Variants in ANAPC4 observed in about 807,000 individuals in gnomAD.
The protein encoded by ANAPC4 is anaphase promoting complex subunit 4, also known as anaphase-promoting complex subunit 4.
Under a neutral mutation model 119.8 loss-of-function variants are expected in ANAPC4, and 63 were observed. That is an observed-to-expected ratio of 0.53 (90% confidence interval 0.43 to 0.65). The LOEUF is 0.65. Ranked by LOEUF, ANAPC4 falls within the 30% of genes least tolerant of loss-of-function variation. The pLI, the probability that ANAPC4 is intolerant of heterozygous loss-of-function variation, is 0.00. For missense variants in ANAPC4, 716 were observed against 945.1 expected, an observed-to-expected ratio of 0.76 and a Z score of 3.18; for synonymous variants, 283 against 318.6, an observed-to-expected ratio of 0.89 and a Z score of 1.19.
At position 25,395,914 on chromosome 4, in the gene ANAPC4, C is replaced by T. The variant is rs146064283; in HGVS notation, c.1062-750C>T. On this transcript the variant is annotated intron_variant, in intron 14 of 28. Coordinates refer to ENST00000315368, the MANE Select transcript of ANAPC4 (RefSeq NM_013367.3). ...CCAGTAGAGCTAAACATATTTCTCT[C>T]TTAAAAACTTCTAATGCCTTCCGTT... Among the ~76,000 whole-genome samples the T allele has an allele frequency of 4.7e-3, 722 of 152,320 alleles. 4 individuals are homozygous for T. Among genetic ancestry groups the T allele is most frequent in the African/African-American group, 0.017 (689 of 41,564 alleles).
intron 10 of ANAPC4, among the ~76,000 whole-genome samples, chr4:25,392,952 C>T (rs1434326640): frequency 1.3e-5 from 2 of 152,086 alleles, no homozygotes; most frequent in African/African-American, 2.4e-5. Context: ...AACGGGGCAT[C>T]GAGGGTGCAA....
intron 20 of ANAPC4, among the ~76,000 whole-genome samples, chr4:25,409,264 T>C (rs1279500041): frequency 6.6e-6 from 1 of 152,258 alleles, no homozygotes; most frequent in Non-Finnish European, 1.5e-5. Context: ...AACTTGCATA[T>C]GTTAAATTAA....
chr4:25,410,990 G>A (rs1490996532), intron 21 of ANAPC4, among the ~76,000 whole-genome samples: 1 of 114,746 alleles, frequency 8.7e-6, no homozygotes, highest in African/African-American at 3.7e-5. Flanking sequence ...GTATTTGGTT[G>A]CTGCTTCTGT....
rs749710698 is a variant in ANAPC4 at position 25,418,202 on chromosome 4, T to C, written c.2247T>C (p.Asp749=). Residue 749 remains aspartate (D), a synonymous_variant, in exon 29 of 29, where the codon GAT becomes GAC. Coordinates refer to ENST00000315368, the MANE Select transcript of ANAPC4 (RefSeq NM_013367.3). Reference sequence around the variant, plus strand: ...TGAGAGTATTTGAAATGGACATAGATGATGAATGGGAGCTCGATGAGTCTT... The same window carrying C: ...TGAGAGTATTTGAAATGGACATAGACGATGAATGGGAGCTCGATGAGTCTT... ...RHVRVFEMDI[D]DEWELDESSD... is the part of the protein sequence containing the mutation. 3 of 1,614,088 alleles carry C rather than the reference T, an allele frequency of 1.9e-6. No homozygotes were observed. The highest frequency in any genetic ancestry group is 2.2e-5 in the East Asian group (1 of 44,878).
intron 4 of ANAPC4, among the ~76,000 whole-genome samples, chr4:25,388,187 G>A (rs1378103832): frequency 1.3e-5 from 2 of 152,110 alleles, no homozygotes; most frequent in African/African-American, 2.4e-5. Flanking sequence ...TGAGAGTTAA[G>A]AAATCATAAA....
At chr4:25,416,331 A>AT in intron 26 of ANAPC4, 94 bp from the exon 27 acceptor site, 2 of 775,914 alleles carry the variant, frequency 2.6e-6, no homozygotes, top group Non-Finnish European at 3.7e-6. Flanking sequence ...TAACTTTTAA[A>AT]TTTTTTTCTG....
At chr4:25,400,663 C>T (rs1722914894) in intron 16 of ANAPC4, among the ~76,000 whole-genome samples, 1 of 152,108 alleles carries the variant, frequency 6.6e-6, no homozygotes, top group South Asian at 2.1e-4. Flanking sequence ...TTAGATTTAC[C>T]AGACTTCATG....
intron 3 of ANAPC4, among the ~76,000 whole-genome samples, chr4:25,381,519 C>A (rs1292896109): frequency 1.3e-5 from 2 of 151,390 alleles, no homozygotes; most frequent in African/African-American, 2.4e-5. Flanking sequence ...ACTGTGTTGG[C>A]CAGGCTGGTC....
intron 14 of ANAPC4, 43 bp from the exon 15 acceptor site, chr4:25,396,621 A>T: frequency 1.4e-6 from 2 of 1,398,862 alleles, no homozygotes; most frequent in Non-Finnish European, 2.0e-6. Context: ...TAGTCACTTG[A>T]TGATCGTCAT....
chr4:25,392,505 T>C lies in ANAPC4; in HGVS notation c.789+84T>C, dbSNP rs1722403383. On this transcript the variant is annotated intron_variant, in intron 10 of 28. Coordinates refer to ENST00000315368, the MANE Select transcript of ANAPC4 (RefSeq NM_013367.3). ...AATAAAAAGCTTCAAAATTTTGTTT[T>C]GTAAAGCTTTCTGAAGTAGAGGTAT... The C allele has an allele frequency of 1.1e-5, 13 of 1,154,842 alleles. 1 individual carries two copies. The South Asian group carries it at 1.8e-4, about 16-fold the overall frequency. 71.5% of individuals were successfully genotyped at this position (1,154,842 alleles called of 1,614,324 possible). A position where few individuals can be genotyped will look rare whatever the true frequency, so the allele number is the denominator to read the frequency against.
intron 3 of ANAPC4, among the ~76,000 whole-genome samples, chr4:25,382,442 A>G (rs1721785422): frequency 6.6e-6 from 1 of 152,330 alleles, no homozygotes; most frequent in East Asian, 1.9e-4. Context: ...GGACTTTTAT[A>G]AGTAAAGTTA....
At chr4:25,392,540 T>C (rs1722406217) in intron 10 of ANAPC4, 119 bp downstream of exon 10, 3 of 696,672 alleles carry the variant, frequency 4.3e-6, no homozygotes, top group Admixed American at 5.3e-5. Context: ...TCTAGTCTGA[T>C]AGATGATCTT....
intron 21 of ANAPC4, among the ~76,000 whole-genome samples, chr4:25,411,782 G>A (rs1723579224): frequency 6.6e-6 from 1 of 152,212 alleles, no homozygotes; most frequent in Non-Finnish European, 1.5e-5. Context: ...GAAGCAGTCT[G>A]TAGGTTAGTG....
chr4:25,414,310 CTTATT>C lies in ANAPC4; in HGVS notation c.1624-9_1624-5del. 6.7e-7 allele frequency: 1 copy of C among 1,493,142 alleles called. No homozygotes were observed. Among genetic ancestry groups the C allele is most frequent in the Non-Finnish European group, 9.2e-7 (1 of 1,087,330 alleles). 92.5% of individuals were successfully genotyped at this position (1,493,142 alleles called of 1,614,324 possible). A position where few individuals can be genotyped will look rare whatever the true frequency, so the allele number is the denominator to read the frequency against. On this transcript the variant is annotated splice_polypyrimidine_tract_variant and intron_variant, in intron 22 of 28. Transcript: ENST00000315368. The stretch of plus-strand genomic sequence containing the variant: ...TAACGCTCTAATTATATTTTAAAAT[CTTATT>C]TTATATAGGATGTAATTGGAAAATC...
chr4:25,380,365 T>A lies in ANAPC4; in HGVS notation c.130-9T>A, dbSNP rs759508201. On this transcript the variant is annotated splice_polypyrimidine_tract_variant and intron_variant, in intron 2 of 28. Coordinates refer to ENST00000315368, the MANE Select transcript of ANAPC4 (RefSeq NM_013367.3). ...TTAATTTCCTGCCATTATATCTGCT[T>A]TGTCTTAGGTTTTACTTCATCGACT... The A allele has an allele frequency of 4.4e-6, 7 of 1,594,152 alleles. No individual in the cohort carries two copies. Among genetic ancestry groups the A allele is most frequent in the Non-Finnish European group, 6.0e-6 (7 of 1,169,264 alleles).
intron 16 of ANAPC4, among the ~76,000 whole-genome samples, chr4:25,400,618 C>G (rs111601612): frequency 1.3e-5 from 2 of 152,136 alleles, no homozygotes; most frequent in Non-Finnish European, 2.9e-5. Context: ...GGCTGCAGGT[C>G]TGCTGCAGGA....
At chr4:25,396,285 T>A (rs1722647376) in intron 14 of ANAPC4, among the ~76,000 whole-genome samples, 1 of 152,226 alleles carries the variant, frequency 6.6e-6, no homozygotes, top group African/African-American at 2.4e-5. Flanking sequence ...TTTGATTGTG[T>A]TCACCGTTAT....
intron 21 of ANAPC4, chr4:25,412,865 C>T (rs1041487519): frequency 2.6e-5 from 4 of 152,102 alleles, no homozygotes; most frequent in East Asian, 1.9e-4. Flanking sequence ...TCTGTGATAA[C>T]ATAGCATCTG....
chr4:25,402,986 T>C lies in ANAPC4; in HGVS notation c.1230T>C (p.Ser410=). Residue 410 remains serine, a synonymous_variant, in exon 17 of 29, where the codon AGT becomes AGC. Coordinates refer to ENST00000315368, the MANE Select transcript of ANAPC4 (RefSeq NM_013367.3). ...ANELLQVIDS[S]MKNFKAFFRW... ...ATCTCTTTAGAGTTATAGATAGTAG[T>C]ATGAAAAACTTCAAAGCATTTTTTC... 6.3e-7 allele frequency: 1 copy of C among 1,595,832 alleles called. No homozygotes were observed. The highest frequency in any genetic ancestry group is 1.1e-5 in the South Asian group (1 of 89,692).
Sources: gnomAD v4.1 joint callset for allele counts (sites outside exome capture counted in the v4.1 genomes callset) on GRCh38, gnomAD v4.1.1 for gene constraint, MANE v1.5 for transcripts, NCBI Gene and HGNC (gene_info 2026-07-23, HGNC 2026-07-21) for gene names.